PTPRU: variants seen among roughly 807,000 people sequenced by gnomAD.
The protein encoded by PTPRU is protein tyrosine phosphatase receptor type U.
A neutral mutation model predicts 166.3 loss-of-function variants in PTPRU; 69 were observed. The ratio of observed to expected loss-of-function variants is 0.41; its 90% CI spans 0.34 to 0.51. The LOEUF (loss-of-function observed/expected upper bound fraction) is 0.51. Ranked by LOEUF, PTPRU falls within the 20% of genes least tolerant of loss-of-function variation. PTPRU has a pLI of 0.09. For synonymous variants in PTPRU, 793 were observed against 814.0 expected, an observed-to-expected ratio of 0.97 and a Z score of 0.44; for missense variants, 1,657 against 2,013.7, an observed-to-expected ratio of 0.82 and a Z score of 3.39.
rs531902096 is a variant in PTPRU, at chr1:29,318,048, C to A, written c.3687+127C>A. 1.6e-4 allele frequency: 198 copies of A among 1,259,938 alleles called. No individual in the cohort carries two copies. The African/African-American group carries it at 2.7e-3, about 17-fold the overall frequency. 78.0% of individuals were successfully genotyped at this position (1,259,938 alleles called of 1,614,324 possible). On this transcript the variant is annotated intron_variant, in intron 25 of 29. Transcript: ENST00000373779. ...ACCCCTGCCCATTCTGGGGAACAGG[C>A]CTGTGTGTGACCCTCCTACTCCTAG...
In PTPRU at chr1:29,311,247, CT is replaced by C; in HGVS notation, c.2858-206del. The C allele has an allele frequency of 1.7e-6, 1 of 603,288 alleles. No homozygotes were observed. Among genetic ancestry groups the C allele is most frequent in the Non-Finnish European group, 2.9e-6 (1 of 340,190 alleles). 37.4% of individuals were successfully genotyped at this position (603,288 alleles called of 1,614,324 possible). A position where few individuals can be genotyped will look rare whatever the true frequency, so the allele number is the denominator to read the frequency against. ...GGGTCCCATTCAGGATGAGCGGGCT[CT>C]TTAGCCAGGCCCTCTCCTGATGCTA... On this transcript the variant is annotated intron_variant, in intron 19 of 29. Coordinates refer to ENST00000373779, the MANE Select transcript of PTPRU (RefSeq NM_133178.4). The surrounding 1 kb of genome is among the most constrained non-coding windows in gnomAD (Gnocchi z 4.1).
chr1:29,308,284 CTTTTTTT>C (rs567805935), intron 18 of PTPRU, among the ~76,000 whole-genome samples: 1 of 136,168 alleles, frequency 7.3e-6, no homozygotes, highest in Non-Finnish European at 1.6e-5. Context: ...TAATTTTTTC[CTTTTTTT>C]TTTTTTTTTA....
At chr1:29,249,634 C>T (rs966334767) in intron 1 of PTPRU, among the ~76,000 whole-genome samples, 2 of 152,166 alleles carry the variant, frequency 1.3e-5, no homozygotes, top group African/African-American at 4.8e-5. Context: ...GTGCTGTGCA[C>T]CTCTCTGAGT....
intron 7 of PTPRU, among the ~76,000 whole-genome samples, chr1:29,263,024 C>T (rs1309042962): frequency 6.6e-6 from 1 of 152,094 alleles, no homozygotes; most frequent in Non-Finnish European, 1.5e-5. Context: ...TTCACTCTGT[C>T]GCCAGGCTGG....
chr1:29,260,087 A>T lies in PTPRU; in HGVS notation c.850+43A>T. The T allele has an allele frequency of 8.1e-6, 8 of 987,958 alleles. No individual in the cohort carries two copies. The highest frequency in any genetic ancestry group is 7.0e-5 in the Admixed American group (1 of 14,248). 61.2% of individuals were successfully genotyped at this position (987,958 alleles called of 1,614,324 possible). A position where few individuals can be genotyped will look rare whatever the true frequency, so the allele number is the denominator to read the frequency against. ...GGGGAGCGCCGGGACCTCACCCTCG[A>T]GGGGCGGGGCCGGCGACGGGGGCGG... On this transcript the variant is annotated intron_variant, in intron 6 of 29. Transcript: ENST00000373779. This position sits in a 1 kb window ranked among gnomAD's most constrained non-coding sequence, Gnocchi z 8.3.
Position 29,257,601 on chromosome 1 carries a change from T to G in PTPRU, c.206-904T>G, listed in dbSNP as rs1684829994. On this transcript the variant is annotated intron_variant, in intron 2 of 29. Transcript: ENST00000373779. The surrounding 1 kb of genome is among the most constrained non-coding windows in gnomAD (Gnocchi z 4.6). ...AGGGACAGGCTGCCTTTCTCCAGGTTGGAAGTCAAGGGGATTTGTATTCCA... is the reference window on the plus strand; with the variant it reads ...AGGGACAGGCTGCCTTTCTCCAGGTGGGAAGTCAAGGGGATTTGTATTCCA... 6.6e-6 allele frequency among the ~76,000 whole-genome samples: 1 copy of G among 152,182 alleles called. No individual in the cohort carries two copies. Among genetic ancestry groups the G allele is most frequent in the Admixed American group, 6.5e-5 (1 of 15,288 alleles).
At chr1:29,252,271 C>T (rs1459888903) in intron 1 of PTPRU, among the ~76,000 whole-genome samples, 6 of 135,764 alleles carry the variant, frequency 4.4e-5, no homozygotes, top group African/African-American at 1.7e-4. Flanking sequence ...TTTTTTCTTT[C>T]TTTTTTTTTT....
intron 15 of PTPRU, among the ~76,000 whole-genome samples, chr1:29,301,777 C>T (rs553921699): frequency 5.9e-5 from 9 of 152,160 alleles, no homozygotes; most frequent in Non-Finnish European, 8.8e-5. Context: ...TGTTCCCCGC[C>T]CTGTGTCCAA....
intron 1 of PTPRU, among the ~76,000 whole-genome samples, chr1:29,240,438 G>A (rs2503020): frequency 0.82 from 125,301 of 152,106 alleles, 52,180 homozygotes; most frequent in Middle Eastern, 0.9. Context: ...AAGGGGGCCA[G>A]GTTCAGAGGT....
intron 28 of PTPRU, 134 bp from the exon 29 acceptor site, chr1:29,325,057 T>A: frequency 8.0e-7 from 1 of 1,250,564 alleles, no homozygotes; most frequent in African/African-American, 1.5e-5. Flanking sequence ...CTGGGCTCTC[T>A]GCCCCACCCT....
chr1:29,243,255 G>A (rs996864737), intron 1 of PTPRU, among the ~76,000 whole-genome samples: 1 of 152,166 alleles, frequency 6.6e-6, no homozygotes, highest in Non-Finnish European at 1.5e-5. Context: ...TTCTAAGGCA[G>A]ACATAGGATG....
intron 1 of PTPRU, among the ~76,000 whole-genome samples, chr1:29,241,580 TTTCTTCTTCTTC>T (rs369661546): frequency 1.3e-5 from 2 of 149,000 alleles, no homozygotes; most frequent in African/African-American, 5.0e-5. Context: ...ATTTTTTTTT[TTTCTTCTTCTTC>T]TTCTTCTTCT....
intron 11 of PTPRU, 85 bp from the exon 12 acceptor site, chr1:29,282,591 A>G: frequency 6.7e-7 from 1 of 1,488,412 alleles, no homozygotes; most frequent in Non-Finnish European, 9.0e-7. Flanking sequence ...GGGCTTGACC[A>G]CAAAGCCCAT....
At chr1:29,301,277 A>C (rs1319263823) in intron 15 of PTPRU, among the ~76,000 whole-genome samples, 1 of 152,212 alleles carries the variant, frequency 6.6e-6, no homozygotes, top group Non-Finnish European at 1.5e-5. Flanking sequence ...CTATAAGATT[A>C]TAATGGAGTT....
chr1:29,253,035 CT>C (rs1684625266), intron 1 of PTPRU, among the ~76,000 whole-genome samples: 1 of 152,230 alleles, frequency 6.6e-6, no homozygotes, highest in Non-Finnish European at 1.5e-5. Flanking sequence ...CCACGACCCC[CT>C]CTTTGAGTTT....
chr1:29,301,380 T>C (rs1327823355), intron 15 of PTPRU, among the ~76,000 whole-genome samples: 1 of 152,238 alleles, frequency 6.6e-6, no homozygotes, highest in Non-Finnish European at 1.5e-5. Flanking sequence ...GGAATAAACC[T>C]ACTGCATTGT....
chr1:29,309,697 G>T (rs1353946144), intron 18 of PTPRU, among the ~76,000 whole-genome samples: 1 of 152,216 alleles, frequency 6.6e-6, no homozygotes, highest in Non-Finnish European at 1.5e-5. Flanking sequence ...GAAAATGGAG[G>T]CATAGAGAAA....
intron 14 of PTPRU, among the ~76,000 whole-genome samples, chr1:29,285,378 G>A (rs182652315): frequency 6.6e-6 from 1 of 152,290 alleles, no homozygotes; most frequent in African/African-American, 2.4e-5. Flanking sequence ...CCCTGTTCCT[G>A]TGGATCCTTG....
At chr1:29,264,411 T>C (rs1444737488) in intron 7 of PTPRU, among the ~76,000 whole-genome samples, 2 of 152,204 alleles carry the variant, frequency 1.3e-5, no homozygotes, top group African/African-American at 4.8e-5. Context: ...TGTGTTTTTT[T>C]CTAATAGTTT....
Sources: gnomAD v4.1 joint callset for allele counts (sites outside exome capture counted in the v4.1 genomes callset) on GRCh38, gnomAD v4.1.1 for gene constraint, Gnocchi (gnomAD v3.1) non-coding constraint, MANE v1.5 for transcripts, NCBI Gene and HGNC (gene_info 2026-07-23, HGNC 2026-07-21) for gene names.